The following UNC5A variants were observed in gnomAD, a reference collection of about 807,000 sequenced individuals.
UNC5A encodes the protein netrin receptor UNC5A.
A neutral mutation model predicts 87.4 loss-of-function variants in UNC5A; 20 were observed. The ratio of observed to expected loss-of-function variants is 0.23; its 90% CI spans 0.16 to 0.33. The LOEUF (loss-of-function observed/expected upper bound fraction) is 0.33, where lower values mean the gene tolerates loss of function less well. Ranked by LOEUF, UNC5A falls within the 10% of genes least tolerant of loss-of-function variation. UNC5A has a pLI of 1.00. For synonymous variants in UNC5A, 438 were observed against 482.3 expected (o/e 0.91, Z 1.20); for missense variants, 844 against 1,133.4 (o/e 0.74, Z 3.67).
At position 176,874,579 on chromosome 5, in the gene UNC5A, C is replaced by G; in HGVS notation, c.1378+13C>G. 2 of 1,512,636 alleles carry G rather than the reference C, an allele frequency of 1.3e-6. No homozygotes were observed. Among genetic ancestry groups the G allele is most frequent in the Non-Finnish European group, 1.8e-6 (2 of 1,127,694 alleles). The allele number at this position is 1,512,636 out of a possible 1,614,324, so 93.7% of individuals were successfully genotyped here. ...ATCCCTAATACAGGTAGGAAGGACC[C>G]CAGGGGGCTCTGAGAGCTCCACTTC... On this transcript the variant is annotated intron_variant, in intron 8 of 14. Coordinates refer to ENST00000329542, the MANE Select transcript of UNC5A (RefSeq NM_133369.3). The surrounding 1 kb of genome is among the most constrained non-coding windows in gnomAD (Gnocchi z 7.6).
chr5:176,829,328 T>TATGGATGGATGG lies in UNC5A; in HGVS notation c.70+18539_70+18550dup, dbSNP rs546614651. Among the ~76,000 whole-genome samples, 12 of 93,414 alleles carry TATGGATGGATGG rather than the reference T, an allele frequency of 1.3e-4. 1 individual carries two copies. Among genetic ancestry groups the TATGGATGGATGG allele is most frequent in the East Asian group, 6.8e-4 (2 of 2,922 alleles). The allele number at this position is 93,414 out of a possible 152,430, so 61.3% of individuals were successfully genotyped here. ...TGGATGGATGAATGGATGTATGAAATATGGATGGATGGATGGATGGATGGA... is the reference window on the plus strand; with the variant it reads ...TGGATGGATGAATGGATGTATGAAATATGGATGGATGGATGGATGGATGGATGGATGGATGGA... On this transcript the variant is annotated intron_variant, in intron 1 of 14. Transcript: ENST00000329542.
Position 176,880,888 on chromosome 5 carries a change from T to C in UNC5A, c.*1002T>C, listed in dbSNP as rs1758405432. On this transcript the variant is annotated 3_prime_UTR_variant, in exon 15 of 15. Transcript: ENST00000329542. ...CGTGAATGTAAATAAATTATATATATATATTGCTAACCTGAGTGCTACTTC... is the reference window on the plus strand; with the variant it reads ...CGTGAATGTAAATAAATTATATATACATATTGCTAACCTGAGTGCTACTTC... The C allele has an allele frequency of 5.3e-6, 3 of 569,430 alleles. No homozygotes were observed. Among genetic ancestry groups the C allele is most frequent in the Non-Finnish European group, 8.9e-6 (3 of 336,470 alleles). The allele number at this position is 569,430 out of a possible 1,614,324, so 35.3% of individuals were successfully genotyped here.
At chr5:176,868,418 C>T (rs867714470) in intron 3 of UNC5A, 143 bp from the exon 4 acceptor site, 12 of 1,446,332 alleles carry the variant, frequency 8.3e-6, no homozygotes, top group Middle Eastern at 4.7e-4. Context: ...CCTGTGGACA[C>T]GGCCCAGCCA....
chr5:176,816,162 C>A (rs916888856), intron 1 of UNC5A, among the ~76,000 whole-genome samples: 4 of 152,238 alleles, frequency 2.6e-5, no homozygotes, highest in African/African-American at 9.6e-5. Flanking sequence ...ACTCTGCACT[C>A]AGCAGCAGGC....
intron 1 of UNC5A, among the ~76,000 whole-genome samples, chr5:176,823,641 G>C (rs1389442989): frequency 6.6e-6 from 1 of 151,994 alleles, no homozygotes; most frequent in East Asian, 1.9e-4. Context: ...CCAGCAAGCA[G>C]AGGCTCGGAG....
At position 176,824,824 on chromosome 5, in the gene UNC5A, C is replaced by G. The variant is rs1434006750; in HGVS notation, c.70+14004C>G. ...CTGTGTACCCCCTACCTTGTGTACT[C>G]TCTGTCCCAGGCACTCTCACCACTC... is the stretch of plus-strand genomic sequence containing the variant. On this transcript the variant is annotated intron_variant, in intron 1 of 14. Coordinates refer to ENST00000329542, the MANE Select transcript of UNC5A (RefSeq NM_133369.3). The surrounding 1 kb of genome is among the most constrained non-coding windows in gnomAD (Gnocchi z 4.2). Among the ~76,000 whole-genome samples the G allele has an allele frequency of 1.3e-5, 2 of 150,630 alleles. No individual in the cohort carries two copies. The highest frequency in any genetic ancestry group is 3.9e-4 in the East Asian group (2 of 5,098).
Position 176,868,877 on chromosome 5 carries a change from C to T in UNC5A, c.634C>T (p.Arg212Cys). ...GCACAGCCTGGTGGTGCGACAGGCC[C>T]GCCTTGCTGACACGGCCAACTACAC... ...REHSLVVRQA[R>C]LADTANYTCV... The change falls in exon 5 of 15, where the codon CGC becomes TGC. Residue 212 changes from arginine (R) to cysteine (C), a missense_variant. By Grantham distance (180) the Arg-to-Cys change is radical (BLOSUM62 -3). Coordinates refer to ENST00000329542, the MANE Select transcript of UNC5A (RefSeq NM_133369.3). 1 of 1,612,882 alleles carries T rather than the reference C, an allele frequency of 6.2e-7. No individual in the cohort carries two copies. The highest frequency in any genetic ancestry group is 8.5e-7 in the Non-Finnish European group (1 of 1,179,866).
Position 176,848,100 on chromosome 5 carries a change from C to T in UNC5A, c.71-14524C>T, listed in dbSNP as rs1485610520. ...TCCAGGCCCCTACTGACCAGCTGAC[C>T]AGCAGCCCCCACGCTGCGGCCTCCT... On this transcript the variant is annotated intron_variant, in intron 1 of 14. Transcript: ENST00000329542. This position sits in a 1 kb window ranked among gnomAD's most constrained non-coding sequence, Gnocchi z 5.8. 2.6e-5 allele frequency among the ~76,000 whole-genome samples: 4 copies of T among 152,110 alleles called. No homozygotes were observed. Among genetic ancestry groups the T allele is most frequent in the Non-Finnish European group, 2.9e-5 (2 of 67,990 alleles).
At chr5:176,812,920 G>A (rs1008889708) in intron 1 of UNC5A, among the ~76,000 whole-genome samples, 8 of 152,176 alleles carry the variant, frequency 5.3e-5, no homozygotes, top group Non-Finnish European at 8.8e-5. Flanking sequence ...CTCCTCCCGC[G>A]CTGCCTTTTG....
At chr5:176,870,302 C>A in intron 5 of UNC5A, 68 bp from the exon 6 acceptor site, 1 of 1,568,418 alleles carries the variant, frequency 6.4e-7, no homozygotes, top group Non-Finnish European at 8.7e-7. Context: ...AGGGGCCACA[C>A]TGGCAGACTG....
At chr5:176,849,500 C>A (rs1757489718) in intron 1 of UNC5A, among the ~76,000 whole-genome samples, 1 of 152,140 alleles carries the variant, frequency 6.6e-6, no homozygotes. Context: ...CAGGAAAATC[C>A]CTTCAACCAG....
At chr5:176,863,540 G>C (rs994854118) in intron 2 of UNC5A, among the ~76,000 whole-genome samples, 9 of 152,074 alleles carry the variant, frequency 5.9e-5, no homozygotes, top group Admixed American at 2.6e-4. Context: ...AGAGGTTCTA[G>C]GGGCAGCGAG....
chr5:176,861,197 C>T (rs758062145), intron 1 of UNC5A, among the ~76,000 whole-genome samples: 89 of 152,342 alleles, frequency 5.8e-4, no homozygotes, highest in South Asian at 8.3e-4. Flanking sequence ...CTGTGGAACA[C>T]GCAGAACCGT....
In UNC5A at chr5:176,877,217, T is replaced by A; in HGVS notation, c.1404T>A (p.Asp468Glu). The change falls in exon 9 of 15, where the codon GAT becomes GAA. Residue 468 changes from aspartate to glutamate, a missense_variant. Physicochemically the swap from Asp to Glu is conservative, Grantham distance 45 (BLOSUM62 2). Around this residue, in one of 3 missense-constraint regions of UNC5A, gnomAD observed 353 missense variants for 387.5 expected, o/e 0.91. Transcript: ENST00000329542. The stretch of plus-strand genomic sequence containing the variant: ...GAATCAGCCTCCTCATCCCCCCAGA[T>A]GCCATACCCCGAGGGAAGATCTATG... ...NTGISLLIPP[D>E]AIPRGKIYEI... The A allele has an allele frequency of 1.2e-6, 2 of 1,612,820 alleles. No homozygotes were observed. The highest frequency in any genetic ancestry group is 1.7e-6 in the Non-Finnish European group (2 of 1,179,678).
At chr5:176,817,983 G>C (rs1014955223) in intron 1 of UNC5A, among the ~76,000 whole-genome samples, 6 of 151,986 alleles carry the variant, frequency 3.9e-5, no homozygotes, top group Non-Finnish European at 8.8e-5. Context: ...CTCTTTGTTC[G>C]GGGCCTGTTA....
rs888287381 is a variant in UNC5A, at chr5:176,875,425, C to G, written c.1378+859C>G. Among the ~76,000 whole-genome samples the G allele has an allele frequency of 6.6e-6, 1 of 152,018 alleles. No individual in the cohort carries two copies. Among genetic ancestry groups the G allele is most frequent in the Non-Finnish European group, 1.5e-5 (1 of 68,010 alleles). On this transcript the variant is annotated intron_variant, in intron 8 of 14. Coordinates refer to ENST00000329542, the MANE Select transcript of UNC5A (RefSeq NM_133369.3). This position sits in a 1 kb window ranked among gnomAD's most constrained non-coding sequence, Gnocchi z 5.2. The stretch of plus-strand genomic sequence containing the variant: ...TCACGGATCGTCTAGTTGCTCAAGC[C>G]GGAAACTTGGGGTCACCTTGACCTG...
At chr5:176,843,185 AAAG>A (rs1757321021) in intron 1 of UNC5A, among the ~76,000 whole-genome samples, 1 of 151,804 alleles carries the variant, frequency 6.6e-6, no homozygotes, top group Non-Finnish European at 1.5e-5. Context: ...AGAAAGAAAG[AAAG>A]AAAGAAAAAA....
chr5:176,830,729 T>TGTGGGA lies in UNC5A; in HGVS notation c.70+19914_70+19915insAGTGGG, dbSNP rs531650904. 1.1e-3 allele frequency among the ~76,000 whole-genome samples: 156 copies of TGTGGGA among 139,756 alleles called. 3 individuals carry two copies. The highest frequency in any genetic ancestry group is 4.0e-3 in the African/African-American group (149 of 37,652). 91.7% of individuals were successfully genotyped at this position (139,756 alleles called of 152,430 possible). A position where few individuals can be genotyped will look rare whatever the true frequency, so the allele number is the denominator to read the frequency against. On this transcript the variant is annotated intron_variant, in intron 1 of 14. Transcript: ENST00000329542. ...GCGCGTGTGTGTGCTGGCATGTATG[T>TGTGGGA]GTGGGTGTGCTGGTGTGTGTGCGCT... is the stretch of plus-strand genomic sequence containing the variant.
chr5:176,849,294 ATC>A (rs1279506489), intron 1 of UNC5A, among the ~76,000 whole-genome samples: 1 of 152,206 alleles, frequency 6.6e-6, no homozygotes, highest in Admixed American at 6.5e-5. Context: ...GGAAAAAAAA[ATC>A]AGTGCAGGCT....
Sources: allele counts gnomAD v4.1 joint callset (sites outside exome capture counted in the v4.1 genomes callset), GRCh38; gene constraint gnomAD v4.1.1; regional missense constraint gnomAD v4.1.1; non-coding constraint Gnocchi (gnomAD v3.1); transcripts MANE v1.5; gene names NCBI Gene and HGNC (gene_info 2026-07-23, HGNC 2026-07-21).